MAST2: variants seen among roughly 807,000 people sequenced by gnomAD.
MAST2 encodes microtubule associated serine/threonine kinase 2.
Under a neutral mutation model 147.4 loss-of-function variants are expected in MAST2, and 70 were observed. The observed-to-expected ratio is 0.47, with a 90% CI of 0.39 to 0.58. MAST2 has a LOEUF of 0.58. Ranked by LOEUF, MAST2 falls within the 20% of genes least tolerant of loss-of-function variation. The probability of loss-of-function intolerance (pLI) is 0.00; values close to 1 mark genes in which losing one functional copy is unlikely to be tolerated. For synonymous variants in MAST2, 869 were observed against 896.8 expected (o/e 0.97, Z 0.55); for missense variants, 2,080 against 2,302.3 (o/e 0.90, Z 1.98).
At chr1:45,928,023 A>G (rs1654677245) in intron 4 of MAST2, among the ~76,000 whole-genome samples, 1 of 152,180 alleles carries the variant, frequency 6.6e-6, no homozygotes, top group Non-Finnish European at 1.5e-5. Context: ...GCTTTCTAGG[A>G]TACTTCTGTT....
chr1:45,967,574 G>C (rs1311066320), intron 5 of MAST2, among the ~76,000 whole-genome samples: 1 of 152,154 alleles, frequency 6.6e-6, no homozygotes, highest in Admixed American at 6.5e-5. Flanking sequence ...TCATTAATTG[G>C]AAGTGTATCA....
chr1:45,850,828 G>A (rs1323087961), intron 3 of MAST2, among the ~76,000 whole-genome samples: 2 of 137,488 alleles, frequency 1.5e-5, no homozygotes, highest in Non-Finnish European at 3.1e-5. Flanking sequence ...TTTTGTACCA[G>A]TACTATGCTT....
intron 3 of MAST2, among the ~76,000 whole-genome samples, chr1:45,857,525 G>T (rs1324888393): frequency 1.3e-5 from 2 of 152,188 alleles, no homozygotes; most frequent in African/African-American, 4.8e-5. Context: ...TCTGTACTTT[G>T]TGCTGGATGG....
chr1:45,868,515 AT>A lies in MAST2; in HGVS notation c.469-13844del, dbSNP rs747190137. Among the ~76,000 whole-genome samples the A allele has an allele frequency of 2.6e-5, 4 of 152,064 alleles. No individual in the cohort carries two copies. The East Asian group carries it at 5.8e-4, about 22-fold the overall frequency. ...TCAGGCAAAAACTAAATTGTATAGT[AT>A]TTTTATGCACCCCCCCCAACCCCCT... On this transcript the variant is annotated intron_variant, in intron 3 of 28. Transcript: ENST00000361297.
intron 16 of MAST2, among the ~76,000 whole-genome samples, chr1:46,027,008 A>G (rs1009024810): frequency 6.6e-6 from 1 of 152,230 alleles, no homozygotes; most frequent in African/African-American, 2.4e-5. Context: ...AGAGCTCAAC[A>G]GATAACCAAA....
At chr1:45,825,295 G>A (rs1644757257) in intron 2 of MAST2, among the ~76,000 whole-genome samples, 1 of 152,192 alleles carries the variant, frequency 6.6e-6, no homozygotes, top group African/African-American at 2.4e-5. Flanking sequence ...ATAGTGCTGG[G>A]ATTACAGGCG....
At chr1:45,816,119 G>A (rs1351580459) in intron 1 of MAST2, among the ~76,000 whole-genome samples, 1 of 151,768 alleles carries the variant, frequency 6.6e-6, no homozygotes, top group Admixed American at 6.6e-5. Flanking sequence ...AGCACAGATA[G>A]GAGATCTGGA....
intron 4 of MAST2, among the ~76,000 whole-genome samples, chr1:45,929,390 G>A (rs911506367): frequency 4.6e-5 from 7 of 152,200 alleles, no homozygotes; most frequent in Non-Finnish European, 7.3e-5. Context: ...AGCAGGGGGG[G>A]AGTTGTTGGT....
chr1:45,938,611 G>A (rs926532596), intron 4 of MAST2, among the ~76,000 whole-genome samples: 5 of 152,244 alleles, frequency 3.3e-5, no homozygotes, highest in Non-Finnish European at 4.4e-5. Flanking sequence ...ACAGGTGTCA[G>A]CCACTGCGCC....
chr1:45,874,960 C>T (rs1010307485), intron 3 of MAST2, among the ~76,000 whole-genome samples: 6 of 152,020 alleles, frequency 3.9e-5, no homozygotes, highest in African/African-American at 1.2e-4. Flanking sequence ...ACCAGGAGAA[C>T]AGTAAGTGTG....
chr1:45,994,028 A>G (rs1644952169), intron 5 of MAST2, among the ~76,000 whole-genome samples: 1 of 152,170 alleles, frequency 6.6e-6, no homozygotes. Context: ...CAAAGCTTCC[A>G]GTGCCTTCTC....
intron 3 of MAST2, among the ~76,000 whole-genome samples, chr1:45,880,055 A>G (rs1015591712): frequency 2.0e-5 from 3 of 152,210 alleles, no homozygotes; most frequent in African/African-American, 7.2e-5. Context: ...AAGGTCTGGT[A>G]GCTTCTTATA....
intron 1 of MAST2, among the ~76,000 whole-genome samples, chr1:45,810,854 A>AT: frequency 2.1e-5 from 3 of 142,604 alleles, no homozygotes; most frequent in East Asian, 2.1e-4. Context: ...GGAGCAGTAT[A>AT]TTCTTTTTTT....
chr1:45,936,337 T>C (rs779839909), intron 4 of MAST2, among the ~76,000 whole-genome samples: 3 of 152,130 alleles, frequency 2.0e-5, no homozygotes, highest in Non-Finnish European at 2.9e-5. Flanking sequence ...TAATTGTCTG[T>C]GAAGAGAGAG....
intron 5 of MAST2, among the ~76,000 whole-genome samples, chr1:45,964,893 T>C (rs1406466348): frequency 1.3e-5 from 2 of 152,216 alleles, no homozygotes; most frequent in Admixed American, 6.5e-5. Flanking sequence ...GCTTTAAATA[T>C]GTCCCAGAGA....
intron 4 of MAST2, among the ~76,000 whole-genome samples, chr1:45,911,853 ATATTATTATTATTATTATTATTATTAT>A (rs10595888): frequency 7.4e-6 from 1 of 135,798 alleles, no homozygotes; most frequent in Non-Finnish European, 1.5e-5. Flanking sequence ...TATTATTGTT[ATATTATTATTATTATTATTATTATTAT>A]TATTATTATT....
At chr1:45,992,250 T>C (rs1571108514) in intron 5 of MAST2, among the ~76,000 whole-genome samples, 1 of 152,212 alleles carries the variant, frequency 6.6e-6, no homozygotes, top group African/African-American at 2.4e-5. Flanking sequence ...CAAAAAAGTT[T>C]TAAATGGGTT....
intron 4 of MAST2, among the ~76,000 whole-genome samples, chr1:45,918,285 C>A (rs564068169): frequency 6.6e-6 from 1 of 152,132 alleles, no homozygotes; most frequent in African/African-American, 2.4e-5. Flanking sequence ...GAAGAGTGTT[C>A]CAGGTGGAGG....
chr1:45,856,898 T>C (rs899035045), intron 3 of MAST2, among the ~76,000 whole-genome samples: 1 of 152,144 alleles, frequency 6.6e-6, no homozygotes, highest in Non-Finnish European at 1.5e-5. Flanking sequence ...TTAAGCTAGT[T>C]ATTTTTAAAT....
Sources: gnomAD v4.1 joint callset for allele counts (sites outside exome capture counted in the v4.1 genomes callset) on GRCh38, gnomAD v4.1.1 for gene constraint, MANE v1.5 for transcripts, NCBI Gene and HGNC (gene_info 2026-07-23, HGNC 2026-07-21) for gene names.